Variants in BTRC observed in about 807,000 individuals in gnomAD.
BTRC encodes F-box/WD repeat-containing protein 1A.
A neutral mutation model predicts 85.5 loss-of-function variants in BTRC; 42 were observed. The ratio of observed to expected loss-of-function variants is 0.49; its 90% CI spans 0.38 to 0.64. The LOEUF is 0.64. BTRC is among the 30% of genes least tolerant of loss of function. The pLI is 0.00. For synonymous variants in BTRC, 255 were observed against 263.3 expected (o/e 0.97, Z 0.30); for missense variants, 594 against 743.5 (o/e 0.80, Z 2.34).
At chr10:101,532,906 C>T in intron 8 of BTRC, 46 bp from the exon 9 acceptor site, 1 of 1,427,738 alleles carries the variant, frequency 7.0e-7, no homozygotes, top group Non-Finnish European at 9.9e-7. Flanking sequence ...GTCTCCACAG[C>T]ACCCCATCAT....
chr10:101,550,134 A>G (rs2062626956), intron 13 of BTRC, among the ~76,000 whole-genome samples: 1 of 152,284 alleles, frequency 6.6e-6, no homozygotes, highest in East Asian at 1.9e-4. Flanking sequence ...CCCTACGCCA[A>G]AAAGGGTTGG....
At position 101,532,750 on chromosome 10, in the gene BTRC, A is replaced by ATGTGTGTGTGTG. The variant is rs71643587; in HGVS notation, c.979-173_979-162dup. Among the ~76,000 whole-genome samples, 647 of 102,216 alleles carry ATGTGTGTGTGTG rather than the reference A, an allele frequency of 6.3e-3. 2 individuals are homozygous for ATGTGTGTGTGTG. Among genetic ancestry groups the ATGTGTGTGTGTG allele is most frequent in the Admixed American group, 0.011 (109 of 9,988 alleles). The allele number at this position is 102,216 out of a possible 152,430, so 67.1% of individuals were successfully genotyped here. On this transcript the variant is annotated intron_variant, in intron 8 of 14. Transcript: ENST00000370187. ...AAGTTTGCATTAGTACTGAAGCTAT[A>ATGTGTGTGTGTG]TGTGTGTGTGTGTGTGTGTGTGTGT...
At chr10:101,417,088 G>T (rs1045723125) in intron 1 of BTRC, among the ~76,000 whole-genome samples, 1 of 151,706 alleles carries the variant, frequency 6.6e-6, no homozygotes, top group South Asian at 2.1e-4. Flanking sequence ...TGTATTTCCT[G>T]CAAACCAGAA....
chr10:101,489,540 G>A (rs749812008), intron 4 of BTRC, among the ~76,000 whole-genome samples: 13 of 151,948 alleles, frequency 8.6e-5, no homozygotes, highest in African/African-American at 1.5e-4. Flanking sequence ...TAAAAAGATC[G>A]CTTACAAAGC....
At chr10:101,508,913 T>TAAA (rs59998718) in intron 4 of BTRC, among the ~76,000 whole-genome samples, 7 of 101,928 alleles carry the variant, frequency 6.9e-5, no homozygotes, top group Non-Finnish European at 9.8e-5. Flanking sequence ...GACTCCATCT[T>TAAA]AAAAAAAAAA....
chr10:101,495,592 T>G (rs1355547003), intron 4 of BTRC, among the ~76,000 whole-genome samples: 1 of 152,178 alleles, frequency 6.6e-6, no homozygotes, highest in East Asian at 1.9e-4. Flanking sequence ...GGCCATAGGT[T>G]TGCAAGTGAA....
At chr10:101,436,419 C>T (rs952495691) in intron 2 of BTRC, among the ~76,000 whole-genome samples, 5 of 152,004 alleles carry the variant, frequency 3.3e-5, no homozygotes, top group Non-Finnish European at 7.4e-5. Context: ...CCAGGGCTGG[C>T]GGATCACATG....
chr10:101,510,571 C>G (rs545122073), intron 4 of BTRC, among the ~76,000 whole-genome samples: 23 of 152,140 alleles, frequency 1.5e-4, no homozygotes, highest in South Asian at 1.5e-3. Context: ...TGACAACAGC[C>G]TCTAGAGAGT....
chr10:101,553,040 G>A (rs1205596746), intron 14 of BTRC, 115 bp from the exon 15 acceptor site: 1 of 152,316 alleles, frequency 6.6e-6, no homozygotes, highest in Non-Finnish European at 1.5e-5. Flanking sequence ...GCAGGCATTA[G>A]GAAGGACCCC....
At chr10:101,438,535 ATTAG>A (rs1944598043) in intron 2 of BTRC, among the ~76,000 whole-genome samples, 1 of 151,916 alleles carries the variant, frequency 6.6e-6, no homozygotes, top group Admixed American at 6.6e-5. Context: ...ATTGTGTCAA[ATTAG>A]TAAGTACAAA....
At chr10:101,537,121 A>G (rs2062398246) in intron 12 of BTRC, among the ~76,000 whole-genome samples, 1 of 152,140 alleles carries the variant, frequency 6.6e-6, no homozygotes, top group South Asian at 2.1e-4. Context: ...TCATCCTAGC[A>G]TTTCATTTAT....
chr10:101,461,605 A>G (rs185516565), intron 2 of BTRC, among the ~76,000 whole-genome samples: 78 of 152,330 alleles, frequency 5.1e-4, no homozygotes, highest in African/African-American at 1.6e-3. Context: ...CCAACCAAAC[A>G]TCTACTATAA....
At chr10:101,487,804 G>C (rs1946028889) in intron 4 of BTRC, among the ~76,000 whole-genome samples, 2 of 152,082 alleles carry the variant, frequency 1.3e-5, no homozygotes, top group South Asian at 4.1e-4. Flanking sequence ...ATGATGAAGG[G>C]AGCACCACAG....
intron 1 of BTRC, among the ~76,000 whole-genome samples, chr10:101,383,057 AT>A (rs370353886): frequency 1.5e-4 from 18 of 116,484 alleles, no homozygotes; most frequent in African/African-American, 4.7e-4. Flanking sequence ...TTCCCTGGAG[AT>A]TTTTTTTTTT....
chr10:101,532,106 A>G (rs2062292455), intron 7 of BTRC, among the ~76,000 whole-genome samples, 189 bp from the exon 8 acceptor site: 1 of 152,212 alleles, frequency 6.6e-6, no homozygotes, highest in Non-Finnish European at 1.5e-5. Flanking sequence ...ACAACCTTTA[A>G]TTACCTTGCA....
At position 101,463,945 on chromosome 10, in the gene BTRC, CT is replaced by C. The variant is rs1350433688; in HGVS notation, c.234+1890del. On this transcript the variant is annotated intron_variant, in intron 3 of 14. Coordinates refer to ENST00000370187, the MANE Select transcript of BTRC (RefSeq NM_033637.4). ...AAATAGAATTGAATCATCCAGGAAG[CT>C]TTAAAAAAAAAAACAAACAAAAATC... Among the ~76,000 whole-genome samples, 58 of 73,024 alleles carry C rather than the reference CT, an allele frequency of 7.9e-4. 1 individual carries two copies. The highest frequency in any genetic ancestry group is 7.6e-3 in the Admixed American group (58 of 7,592). 47.9% of individuals were successfully genotyped at this position (73,024 alleles called of 152,430 possible).
intron 4 of BTRC, among the ~76,000 whole-genome samples, chr10:101,515,754 G>A (rs943515936): frequency 6.6e-6 from 1 of 152,030 alleles, no homozygotes; most frequent in Admixed American, 6.6e-5. Context: ...CTCGTGATCC[G>A]CCCATCTCTG....
At chr10:101,525,966 C>A (rs763109497) in intron 5 of BTRC, 47 bp from the exon 6 acceptor site, 1 of 1,571,272 alleles carries the variant, frequency 6.4e-7, no homozygotes, top group Non-Finnish European at 8.7e-7. Context: ...AAAAATCATT[C>A]GCCACCTTCT....
At chr10:101,411,775 G>A (rs1417802809) in intron 1 of BTRC, among the ~76,000 whole-genome samples, 1 of 129,040 alleles carries the variant, frequency 7.7e-6, no homozygotes, top group Non-Finnish European at 1.9e-5. Flanking sequence ...CATATTTTGT[G>A]CCTCTTGTCT....
Sources: allele counts gnomAD v4.1 joint callset (sites outside exome capture counted in the v4.1 genomes callset), GRCh38; gene constraint gnomAD v4.1.1; transcripts MANE v1.5; gene names NCBI Gene and HGNC (gene_info 2026-07-23, HGNC 2026-07-21).